Variants in NLE1 observed in about 807,000 individuals in gnomAD.
NLE1 encodes notchless homolog 1.
A neutral mutation model predicts 62.8 loss-of-function variants in NLE1; 37 were observed. That is an observed-to-expected ratio of 0.59 (90% CI 0.45 to 0.78). The LOEUF (loss-of-function observed/expected upper bound fraction) is 0.78. Among genes scored for constraint, NLE1 ranks in the 30% least tolerant of loss-of-function variants. The pLI is 0.00. For missense variants in NLE1, 555 were observed against 637.9 expected (o/e 0.87, Z 1.40); for synonymous variants, 243 against 253.0 (o/e 0.96, Z 0.37).
At chr17:35,140,598 CT>C (rs11321413) in intron 2 of NLE1, among the ~76,000 whole-genome samples, 118,122 of 150,270 alleles carry the variant, frequency 0.79, 46,713 homozygotes, top group East Asian at 0.91. Flanking sequence ...ATTCTTTTTT[CT>C]TTTTTTTTTG....
At chr17:35,134,933 T>C in intron 10 of NLE1, 2 of 437,108 alleles carry the variant, frequency 4.6e-6, no homozygotes, top group Non-Finnish European at 8.9e-6. Flanking sequence ...AGGCCTGTAA[T>C]CCCAGCTACC....
intron 3 of NLE1, 32 bp downstream of exon 3, chr17:35,139,817 T>C (rs1567747296): frequency 6.2e-7 from 1 of 1,602,432 alleles, no homozygotes; most frequent in South Asian, 1.1e-5. Context: ...CACCCCCACA[T>C]ACCCCCTCCA....
At chr17:35,134,601 T>C (rs2091897719) in intron 10 of NLE1, among the ~76,000 whole-genome samples, 1 of 152,144 alleles carries the variant, frequency 6.6e-6, no homozygotes, top group African/African-American at 2.4e-5. Flanking sequence ...GGTTTTGCCA[T>C]GTTGGCCAGG....
intron 10 of NLE1, 88 bp downstream of exon 10, chr17:35,135,161 T>A (rs1346687905): frequency 2.2e-5 from 28 of 1,281,584 alleles, no homozygotes; most frequent in Non-Finnish European, 3.2e-5. Context: ...TCCAAACACC[T>A]GCCAAGGCCA....
intron 2 of NLE1, among the ~76,000 whole-genome samples, 197 bp downstream of exon 2, chr17:35,141,782 C>T (rs1450569020): frequency 6.6e-6 from 1 of 152,206 alleles, no homozygotes; most frequent in Non-Finnish European, 1.5e-5. Context: ...GGCCCCTCTC[C>T]GCAGGTGGAC....
At chr17:35,133,640 G>T in intron 10 of NLE1, 142 bp from the exon 11 acceptor site, 1 of 742,146 alleles carries the variant, frequency 1.3e-6, no homozygotes, top group Non-Finnish European at 2.2e-6. Flanking sequence ...AAATCACACT[G>T]CCTGGTCCCC....
rs1567742300 is a variant in NLE1 at position 35,130,452 on chromosome 17, CA to C, written c.*1984del. 1 of 1,609,368 alleles carries C rather than the reference CA, an allele frequency of 6.2e-7. No individual in the cohort carries two copies. The highest frequency in any genetic ancestry group is 8.5e-7 in the Non-Finnish European group (1 of 1,177,730). ...CCTGTTAAGGGGGAGGGCCCCAGGA[CA>C]CCCCTCACCTACTTTCAGCTTCAAC... On this transcript the variant is annotated 3_prime_UTR_variant, in exon 13 of 13. Transcript: ENST00000442241.
intron 4 of NLE1, 106 bp from the exon 5 acceptor site, chr17:35,137,996 G>C: frequency 1.3e-6 from 1 of 763,602 alleles, no homozygotes; most frequent in Admixed American, 2.6e-5. Context: ...TTGAATAAAT[G>C]AATGATTGAA....
chr17:35,139,428 G>A (rs1007382887), intron 3 of NLE1, 114 bp from the exon 4 acceptor site: 3 of 832,890 alleles, frequency 3.6e-6, no homozygotes, highest in African/African-American at 3.4e-5. Flanking sequence ...CTGGAAGGGA[G>A]AAAGACAATA....
chr17:35,139,414 GCC>G, intron 3 of NLE1, 100 bp from the exon 4 acceptor site: 1 of 956,842 alleles, frequency 1.0e-6, no homozygotes, highest in Non-Finnish European at 1.7e-6. Flanking sequence ...CTCTTTCCTC[GCC>G]CCTGGAAGGG....
At chr17:35,133,029 A>T (rs1212205027) in intron 12 of NLE1, 142 bp downstream of exon 12, 1 of 799,358 alleles carries the variant, frequency 1.3e-6, no homozygotes, top group East Asian at 2.6e-5. Flanking sequence ...CCCACTGAGA[A>T]TCTGGCTCCA....
At chr17:35,140,390 G>A (rs1013188995) in intron 2 of NLE1, among the ~76,000 whole-genome samples, 1 of 151,890 alleles carries the variant, frequency 6.6e-6, no homozygotes, top group East Asian at 1.9e-4. Context: ...CACCACGCCT[G>A]GCTAAGTTTT....
chr17:35,129,184 G>T lies in NLE1; in HGVS notation c.*3253C>A, dbSNP rs2091861458. ...AGGGTTGAGGACCCCTGGCGTATAAGAAATATGGAATGAGGGTGTACCCTA... is the reference window on the plus strand; with the variant it reads ...AGGGTTGAGGACCCCTGGCGTATAATAAATATGGAATGAGGGTGTACCCTA... On this transcript the variant is annotated 3_prime_UTR_variant, in exon 13 of 13. Transcript: ENST00000442241. 1 of 502,648 alleles carries T rather than the reference G, an allele frequency of 2.0e-6. No individual in the cohort carries two copies. Among genetic ancestry groups the T allele is most frequent in the East Asian group, 3.3e-5 (1 of 30,494 alleles). The allele number at this position is 502,648 out of a possible 1,614,324, so 31.1% of individuals were successfully genotyped here.
chr17:35,133,367 G>T lies in NLE1; in HGVS notation c.1346C>A (p.Ala449Asp), dbSNP rs2142500420. The T allele has an allele frequency of 6.2e-7, 1 of 1,614,174 alleles. No homozygotes were observed. The highest frequency in any genetic ancestry group is 2.2e-5 in the East Asian group (1 of 44,872). The change falls in exon 11 of 13, where the codon GCC becomes GAC. Residue 449 changes from alanine to aspartate, a missense_variant. Physicochemically the swap from Ala to Asp is moderately radical, Grantham distance 126 (BLOSUM62 -2). Transcript: ENST00000442241. Reference protein sequence around the residue: ...KVWDVKAQKLAMDLPGHADEV... With the variant: ...KVWDVKAQKLDMDLPGHADEV... ...ATCCGCGTGGCCGGGCAGGTCCATG[G>T]CCAGCTTCTGGGCCTTCACATCCCA...
rs1218009607 is a variant in NLE1, at chr17:35,137,081, T to C, written c.748A>G (p.Thr250Ala). 6.2e-7 allele frequency: 1 copy of C among 1,613,320 alleles called. No homozygotes were observed. Among genetic ancestry groups the C allele is most frequent in the Non-Finnish European group, 8.5e-7 (1 of 1,179,786 alleles). ...RILTGHTQSV[T>A]CLRWGGDGLL... is the part of the protein sequence containing the mutation. ...CCGTCCCCTCCCCACCGGAGACAGGTGACCGACTGGGTGTGCCCGGTGAGG... is the reference window on the plus strand; with the variant it reads ...CCGTCCCCTCCCCACCGGAGACAGGCGACCGACTGGGTGTGCCCGGTGAGG... Residue 250 changes from threonine to alanine, a missense_variant, in exon 7 of 13, where the codon ACC becomes GCC. Coordinates refer to ENST00000442241, the MANE Select transcript of NLE1 (RefSeq NM_018096.5).
chr17:35,136,187 G>A lies in NLE1; in HGVS notation c.993C>T (p.Ser331=). 6.2e-7 allele frequency: 1 copy of A among 1,614,172 alleles called. No individual in the cohort carries two copies. ...CACTCACCCGCACGAGGTTGTATCG[G>A]CTCAGAGCCCTCTCCTTCAACTCCT... is the stretch of plus-strand genomic sequence containing the variant. The part of the protein sequence containing the change: ...SLQELKERAL[S]RYNLVRGQGP... The change falls in exon 9 of 13, where the codon AGC becomes AGT. Residue 331 remains serine (S), a synonymous_variant. Coordinates refer to ENST00000442241, the MANE Select transcript of NLE1 (RefSeq NM_018096.5).
chr17:35,138,749 T>A (rs2091925045), intron 4 of NLE1, among the ~76,000 whole-genome samples: 1 of 152,192 alleles, frequency 6.6e-6, no homozygotes, highest in African/African-American at 2.4e-5. Flanking sequence ...TGGCCAGCAA[T>A]CTGCATTTTA....
At chr17:35,134,761 G>A (rs777466100) in intron 10 of NLE1, among the ~76,000 whole-genome samples, 4 of 152,084 alleles carry the variant, frequency 2.6e-5, no homozygotes, top group East Asian at 1.9e-4. Flanking sequence ...CATTAAATCC[G>A]TGTAACTAGG....
chr17:35,132,384 G>T lies in NLE1; in HGVS notation c.*53C>A. ...CAGCCTTTGTTCTCTGGCAGGGAAG[G>T]CAGCTGGCAGAGGCCGAGTCGAGGT... On this transcript the variant is annotated 3_prime_UTR_variant, in exon 13 of 13. Coordinates refer to ENST00000442241, the MANE Select transcript of NLE1 (RefSeq NM_018096.5). 2 of 1,427,864 alleles carry T rather than the reference G, an allele frequency of 1.4e-6. No homozygotes were observed. The highest frequency in any genetic ancestry group is 2.8e-5 in the East Asian group (1 of 36,094). The allele number at this position is 1,427,864 out of a possible 1,614,324, so 88.4% of individuals were successfully genotyped here.
Sources: allele counts gnomAD v4.1 joint callset (sites outside exome capture counted in the v4.1 genomes callset), GRCh38; gene constraint gnomAD v4.1.1; transcripts MANE v1.5; gene names NCBI Gene and HGNC (gene_info 2026-07-23, HGNC 2026-07-21).